Variants in CATSPERE observed in about 807,000 individuals in gnomAD.
The protein encoded by CATSPERE is cation channel sperm-associated auxiliary subunit epsilon.
Under a neutral mutation model 114.1 loss-of-function variants are expected in CATSPERE, and 93 were observed. The observed-to-expected ratio is 0.81, with a 90% CI of 0.69 to 0.97. The LOEUF is 0.97. Among genes scored for constraint, CATSPERE ranks in the 50% least tolerant of loss-of-function variants. The pLI, the probability that CATSPERE is intolerant of heterozygous loss-of-function variation, is 0.00. For synonymous variants in CATSPERE, 341 were observed against 384.1 expected, an observed-to-expected ratio of 0.89 and a Z score of 1.31; for missense variants, 1,058 against 1,131.6, an observed-to-expected ratio of 0.93 and a Z score of 0.93.
chr1:244,598,462 T>G (rs139023626), intron 17 of CATSPERE: 1 of 168,226 alleles, frequency 5.9e-6, no homozygotes, highest in Non-Finnish European at 1.3e-5. Context: ...GGAGATCATT[T>G]TTGTTCCAGG....
At chr1:244,508,064 T>C (rs968036274) in intron 7 of CATSPERE, among the ~76,000 whole-genome samples, 6 of 152,166 alleles carry the variant, frequency 3.9e-5, no homozygotes, top group African/African-American at 1.2e-4. Context: ...CTGGGTAGTA[T>C]GGTCGTTTTA....
intron 3 of CATSPERE, 117 bp downstream of exon 3, chr1:244,477,731 G>T: frequency 1.0e-6 from 1 of 964,558 alleles, no homozygotes. Context: ...TTAAGTAGAT[G>T]TGAAAAGCAA....
rs577667442 is a variant in CATSPERE, at chr1:244,597,307, C to G, written c.2303+3729C>G. On this transcript the variant is annotated intron_variant, in intron 17 of 21. Coordinates refer to ENST00000366534, the MANE Select transcript of CATSPERE (RefSeq NM_001130957.2). ...CAGCCTGGTTTTTGTGCTCACCACT[C>G]TATTGGCACTGGCAGCCAACATGAT... is the stretch of plus-strand genomic sequence containing the variant. Among the ~76,000 whole-genome samples the G allele has an allele frequency of 4.6e-5, 7 of 152,318 alleles. No individual in the cohort carries two copies. The East Asian group carries it at 1.4e-3, about 29-fold the overall frequency.
At chr1:244,520,659 G>A (rs1236817335) in intron 8 of CATSPERE, among the ~76,000 whole-genome samples, 1 of 152,072 alleles carries the variant, frequency 6.6e-6, no homozygotes, top group Non-Finnish European at 1.5e-5. Context: ...AGGCCCAGGA[G>A]TTTTACATAC....
At position 244,504,896 on chromosome 1, in the gene CATSPERE, A is replaced by G. The variant is rs1271173559; in HGVS notation, c.429+5817A>G. Among the ~76,000 whole-genome samples the G allele has an allele frequency of 1.3e-5, 2 of 152,228 alleles. No homozygotes were observed. The highest frequency in any genetic ancestry group is 2.9e-5 in the Non-Finnish European group (2 of 68,048). ...GCCTTGGAAGTAAGTCACTCAGTAC[A>G]GTTATACTTTACCTTCTTAAGGAAA... On this transcript the variant is annotated intron_variant, in intron 7 of 21. Transcript: ENST00000366534. This position sits in a 1 kb window ranked among gnomAD's most constrained non-coding sequence, Gnocchi z 4.1.
chr1:244,572,596 G>C lies in CATSPERE; in HGVS notation c.1774G>C (p.Val592Leu). The change falls in exon 11 of 22, where the codon GTT (valine) becomes CTT (leucine). Residue 592 changes from valine to leucine, a missense_variant. Val to Leu is a conservative substitution (Grantham distance 32). This residue lies in a region of CATSPERE where 787 missense variants were observed against 905.6 expected (regional missense o/e 0.87). Coordinates refer to ENST00000366534, the MANE Select transcript of CATSPERE (RefSeq NM_001130957.2). The stretch of plus-strand genomic sequence containing the variant: ...CCCATACATGGCATTTCATAACAAT[G>C]TTGCTCATGTTTTTTACTTTTTGGA... ...KCPYMAFHNN[V>L]AHVFYFLDKG... The C allele has an allele frequency of 6.2e-7, 1 of 1,614,072 alleles. No homozygotes were observed. Among genetic ancestry groups the C allele is most frequent in the Non-Finnish European group, 8.5e-7 (1 of 1,179,992 alleles).
intron 14 of CATSPERE, 152 bp from the exon 15 acceptor site, chr1:244,591,529 G>C: frequency 2.1e-6 from 1 of 484,242 alleles, no homozygotes; most frequent in South Asian, 3.1e-5. Flanking sequence ...AAACAGAAAT[G>C]CTAAGGCTAC....
At chr1:244,561,356 G>A (rs1045793174) in intron 10 of CATSPERE, among the ~76,000 whole-genome samples, 1 of 152,128 alleles carries the variant, frequency 6.6e-6, no homozygotes, top group East Asian at 1.9e-4. Context: ...TCTTTTTGCC[G>A]GGGAGAGGGG....
intron 1 of CATSPERE, among the ~76,000 whole-genome samples, chr1:244,456,078 AC>A (rs543480337): frequency 7.0e-6 from 1 of 142,216 alleles, no homozygotes; most frequent in Non-Finnish European, 1.5e-5. Context: ...ACATGGAAAC[AC>A]CCCCCCGCCC....
intron 6 of CATSPERE, among the ~76,000 whole-genome samples, chr1:244,494,889 A>G (rs887137868): frequency 1.3e-5 from 2 of 152,208 alleles, no homozygotes; most frequent in Admixed American, 6.5e-5. Flanking sequence ...CATTGATATT[A>G]CGGAATTATT....
chr1:244,462,760 C>T (rs555467975), intron 1 of CATSPERE, among the ~76,000 whole-genome samples: 2 of 151,954 alleles, frequency 1.3e-5, no homozygotes, highest in Admixed American at 6.5e-5. Flanking sequence ...GACTGATTTC[C>T]GTTAAACATA....
intron 2 of CATSPERE, among the ~76,000 whole-genome samples, chr1:244,471,364 C>T (rs1041065885): frequency 6.6e-6 from 1 of 152,176 alleles, no homozygotes; most frequent in African/African-American, 2.4e-5. Context: ...TTCTTTAGTT[C>T]CTTTTGTAAA....
chr1:244,525,194 A>G (rs1158969023), intron 8 of CATSPERE, among the ~76,000 whole-genome samples: 4 of 150,878 alleles, frequency 2.7e-5, no homozygotes, highest in Admixed American at 6.6e-5. Context: ...TTGTAGGGAC[A>G]TGGATGAAAT....
At chr1:244,548,785 G>A in intron 8 of CATSPERE, among the ~76,000 whole-genome samples, 1 of 152,172 alleles carries the variant, frequency 6.6e-6, no homozygotes, top group East Asian at 1.9e-4. Context: ...TTCCCCAGAA[G>A]GCTGTATATG....
At chr1:244,470,010 G>A (rs991504253) in intron 2 of CATSPERE, among the ~76,000 whole-genome samples, 1 of 151,954 alleles carries the variant, frequency 6.6e-6, no homozygotes, top group Non-Finnish European at 1.5e-5. Context: ...AAAAATGAAT[G>A]TGGACCCCAC....
chr1:244,553,489 G>A (rs1054593166), intron 9 of CATSPERE, among the ~76,000 whole-genome samples: 5 of 150,716 alleles, frequency 3.3e-5, no homozygotes, highest in African/African-American at 1.2e-4. Context: ...GCTGAGGTGG[G>A]AGAATGGCGT....
chr1:244,553,894 T>C (rs1272858604), intron 9 of CATSPERE, among the ~76,000 whole-genome samples: 2 of 152,192 alleles, frequency 1.3e-5, no homozygotes, highest in East Asian at 3.9e-4. Flanking sequence ...TCATGGTTTT[T>C]ACCTTCCACA....
chr1:244,505,914 G>A lies in CATSPERE; in HGVS notation c.429+6835G>A, dbSNP rs926215383. On this transcript the variant is annotated intron_variant, in intron 7 of 21. Coordinates refer to ENST00000366534, the MANE Select transcript of CATSPERE (RefSeq NM_001130957.2). ...CCAGCTACTCAGGAGGCTGAAGCAG[G>A]AGAATCACTTGAACCCGGGAGGCGG... Among the ~76,000 whole-genome samples, 20 of 152,236 alleles carry A rather than the reference G, an allele frequency of 1.3e-4. No homozygotes were observed. In the Middle Eastern group the frequency reaches 0.01, roughly 78 times the overall value.
intron 8 of CATSPERE, among the ~76,000 whole-genome samples, chr1:244,547,291 T>C (rs1044986362): frequency 3.9e-5 from 6 of 152,094 alleles, no homozygotes; most frequent in Non-Finnish European, 8.8e-5. Context: ...AGGGAGTTTA[T>C]CACCACTAGA....
Sources: gnomAD v4.1 joint callset for allele counts (sites outside exome capture counted in the v4.1 genomes callset) on GRCh38, gnomAD v4.1.1 for gene constraint, gnomAD v4.1.1 regional missense constraint, Gnocchi (gnomAD v3.1) non-coding constraint, MANE v1.5 for transcripts, NCBI Gene and HGNC (gene_info 2026-07-23, HGNC 2026-07-21) for gene names.